ROBO1: variants seen among roughly 807,000 people sequenced by gnomAD.
ROBO1 encodes the protein roundabout guidance receptor 1.
ROBO1 carries 149 observed loss-of-function variants against 195.9 expected under a neutral mutation model. The ratio of observed to expected loss-of-function variants is 0.76; its 90% confidence interval spans 0.67 to 0.87. The LOEUF is 0.87. ROBO1 is among the 40% of genes least tolerant of loss of function. ROBO1 has a pLI of 0.00. For synonymous variants in ROBO1, 816 were observed against 733.2 expected (o/e 1.11, Z -1.82); for missense variants, 1,933 against 2,068.3 (o/e 0.93, Z 1.27).
rs367751597 is a variant in ROBO1, at chr3:79,561,502, A to G, written c.88+28322T>C. 3.0e-4 allele frequency among the ~76,000 whole-genome samples: 46 copies of G among 152,276 alleles called. 2 individuals carry two copies. The highest frequency in any genetic ancestry group is 1.1e-3 in the African/African-American group (45 of 41,578). The stretch of plus-strand genomic sequence containing the variant: ...CTGTTGGAGCTGGAATTGAGGGACA[A>G]GAGTAGATTTAAACGTGGGCCAAAT... On this transcript the variant is annotated intron_variant, in intron 2 of 30. Coordinates refer to ENST00000464233, the MANE Select transcript of ROBO1 (RefSeq NM_002941.4).
rs781300773 is a variant in ROBO1 at position 79,032,223 on chromosome 3, A to G, written c.172+93233T>C. Among the ~76,000 whole-genome samples, 29 of 152,046 alleles carry G rather than the reference A, an allele frequency of 1.9e-4. 1 individual carries two copies. The highest frequency in any genetic ancestry group is 7.4e-5 in the Non-Finnish European group (5 of 67,920). On this transcript the variant is annotated intron_variant, in intron 3 of 30. Coordinates refer to ENST00000464233, the MANE Select transcript of ROBO1 (RefSeq NM_002941.4). ...TATGTATTGAGCAAATTATTTTTTA[A>G]TACACAATACAGGGTACATAATATC...
At chr3:79,406,259 A>G (rs2106817838) in intron 2 of ROBO1, among the ~76,000 whole-genome samples, 1 of 151,774 alleles carries the variant, frequency 6.6e-6, no homozygotes, top group African/African-American at 2.4e-5. Flanking sequence ...AAAAAAAAAA[A>G]AAATCTCTAA....
chr3:79,454,603 A>C (rs1051551672), intron 2 of ROBO1, among the ~76,000 whole-genome samples: 21 of 152,130 alleles, frequency 1.4e-4, no homozygotes, highest in African/African-American at 5.1e-4. Flanking sequence ...TGAGGCCAAA[A>C]ATAGTGATGA....
chr3:78,679,580 G>C (rs2080837708), intron 10 of ROBO1, among the ~76,000 whole-genome samples: 1 of 152,106 alleles, frequency 6.6e-6, no homozygotes, highest in Non-Finnish European at 1.5e-5. Flanking sequence ...ATTCACAATT[G>C]CTTCAAAGAG....
chr3:78,988,797 C>T lies in ROBO1; in HGVS notation c.173-49870G>A, dbSNP rs192857479. The stretch of plus-strand genomic sequence containing the variant: ...TATTTTGCAAACCAAATAAAGGAAA[C>T]ATATAACAGTTGTATACTAGCCAAA... On this transcript the variant is annotated intron_variant, in intron 3 of 30. Transcript: ENST00000464233. 3.9e-3 allele frequency among the ~76,000 whole-genome samples: 595 copies of T among 152,124 alleles called. 5 individuals are homozygous for T. The highest frequency in any genetic ancestry group is 0.014 in the African/African-American group (566 of 41,526).
At chr3:79,741,060 T>G (rs1204987710) in intron 1 of ROBO1, among the ~76,000 whole-genome samples, 6 of 152,186 alleles carry the variant, frequency 3.9e-5, no homozygotes, top group Non-Finnish European at 8.8e-5. Context: ...GACTTAGTTT[T>G]GCCAAGGAAA....
chr3:79,110,756 A>G lies in ROBO1; in HGVS notation c.172+14700T>C, dbSNP rs564016584. Among the ~76,000 whole-genome samples, 3 of 150,856 alleles carry G rather than the reference A, an allele frequency of 2.0e-5. No homozygotes were observed. The East Asian group carries it at 5.9e-4, about 30-fold the overall frequency. ...TCTCACTGCAGCCTCCCAAGTAGCT[A>G]GGACTACAAGTGTGCACCACCACAC... On this transcript the variant is annotated intron_variant, in intron 3 of 30. Coordinates refer to ENST00000464233, the MANE Select transcript of ROBO1 (RefSeq NM_002941.4).
chr3:79,574,976 C>G (rs1943402718), intron 2 of ROBO1, among the ~76,000 whole-genome samples: 2 of 150,434 alleles, frequency 1.3e-5, no homozygotes, highest in African/African-American at 4.9e-5. Context: ...TTTCTCTTGG[C>G]CAATTCTAGT....
chr3:79,734,506 G>C (rs1349635334), intron 1 of ROBO1, among the ~76,000 whole-genome samples: 1 of 152,018 alleles, frequency 6.6e-6, no homozygotes, highest in Non-Finnish European at 1.5e-5. Flanking sequence ...ATTGCCTTTG[G>C]CAAATGCAGT....
At chr3:79,545,030 G>A (rs1942211727) in intron 2 of ROBO1, among the ~76,000 whole-genome samples, 1 of 151,964 alleles carries the variant, frequency 6.6e-6, no homozygotes, top group Non-Finnish European at 1.5e-5. Flanking sequence ...CTTAGAAATT[G>A]ATATTTAATA....
At chr3:79,121,795 T>C (rs2080121465) in intron 3 of ROBO1, among the ~76,000 whole-genome samples, 1 of 151,948 alleles carries the variant, frequency 6.6e-6, no homozygotes, top group African/African-American at 2.4e-5. Context: ...TTTACAGACT[T>C]TTTTTGTTAC....
At chr3:78,659,916 T>TG in intron 16 of ROBO1, 109 bp from the exon 17 acceptor site, 1 of 609,672 alleles carries the variant, frequency 1.6e-6, no homozygotes, top group Non-Finnish European at 2.3e-6. Context: ...TATCAATATA[T>TG]GCTTTTTTTT....
Position 78,655,830 on chromosome 3 carries a change from T to C in ROBO1, c.2614+1268A>G, listed in dbSNP as rs573469015. On this transcript the variant is annotated intron_variant, in intron 18 of 30. Transcript: ENST00000464233. ...TTGATGATTTAACAACTGATTGTAA[T>C]ATTAATAACATATACTAATATTTCG... Among the ~76,000 whole-genome samples the C allele has an allele frequency of 2.0e-5, 3 of 152,342 alleles. No individual in the cohort carries two copies. In the East Asian group the frequency reaches 5.8e-4, roughly 29 times the overall value.
chr3:78,915,735 G>A (rs956338324), intron 4 of ROBO1, among the ~76,000 whole-genome samples: 5 of 151,984 alleles, frequency 3.3e-5, no homozygotes, highest in Non-Finnish European at 5.9e-5. Context: ...GACTGCAGTG[G>A]GATGATCACA....
At chr3:79,666,406 T>C (rs1473120994) in intron 1 of ROBO1, among the ~76,000 whole-genome samples, 1 of 151,924 alleles carries the variant, frequency 6.6e-6, no homozygotes, top group Non-Finnish European at 1.5e-5. Context: ...AGGCTTTTAT[T>C]TTATCTTTTC....
chr3:79,337,883 A>G lies in ROBO1; in HGVS notation c.89-212344T>C, dbSNP rs531167679. Among the ~76,000 whole-genome samples the G allele has an allele frequency of 3.9e-5, 6 of 152,314 alleles. No individual in the cohort carries two copies. In the South Asian group the frequency reaches 1.2e-3, roughly 32 times the overall value. On this transcript the variant is annotated intron_variant, in intron 2 of 30. Coordinates refer to ENST00000464233, the MANE Select transcript of ROBO1 (RefSeq NM_002941.4). ...TTTTAAAGCCTTAAGTATAACCAAGAAACACTAAAACTTTTTAAACATTTT... is the reference window on the plus strand; with the variant it reads ...TTTTAAAGCCTTAAGTATAACCAAGGAACACTAAAACTTTTTAAACATTTT...
intron 2 of ROBO1, among the ~76,000 whole-genome samples, chr3:79,185,377 A>G (rs1185812286): frequency 1.3e-5 from 2 of 152,148 alleles, no homozygotes; most frequent in African/African-American, 2.4e-5. Flanking sequence ...GAGATTTAGG[A>G]CAAAAAGTTT....
intron 2 of ROBO1, among the ~76,000 whole-genome samples, chr3:79,498,094 A>G (rs917413193): frequency 2.6e-5 from 4 of 152,188 alleles, no homozygotes; most frequent in African/African-American, 9.6e-5. Context: ...TTTATGAAAA[A>G]CGATAATTTG....
chr3:79,333,672 G>C (rs2034543429), intron 2 of ROBO1, among the ~76,000 whole-genome samples: 1 of 152,096 alleles, frequency 6.6e-6, no homozygotes, highest in African/African-American at 2.4e-5. Flanking sequence ...AACACTCACA[G>C]ATCTCAGACA....
Sources: allele counts gnomAD v4.1 joint callset (sites outside exome capture counted in the v4.1 genomes callset), GRCh38; gene constraint gnomAD v4.1.1; transcripts MANE v1.5; gene names NCBI Gene and HGNC (gene_info 2026-07-23, HGNC 2026-07-21).